The following ZFYVE26 variants were observed in gnomAD, a reference collection of about 807,000 sequenced individuals.
ZFYVE26 encodes zinc finger FYVE domain-containing protein 26.
Under a neutral mutation model 276.5 loss-of-function variants are expected in ZFYVE26, and 181 were observed. The observed-to-expected ratio is 0.65, with a 90% CI of 0.58 to 0.74. The LOEUF (loss-of-function observed/expected upper bound fraction) is 0.74. Ranked by LOEUF, ZFYVE26 falls within the 30% of genes least tolerant of loss-of-function variation. The pLI, the probability that ZFYVE26 is intolerant of heterozygous loss-of-function variation, is 0.00. For synonymous variants in ZFYVE26, 1,129 were observed against 1,203.1 expected (o/e 0.94, Z 1.27); for missense variants, 2,821 against 3,097.9 (o/e 0.91, Z 2.12).
At chr14:67,799,491 G>C (rs925781014) in intron 10 of ZFYVE26, 13 of 1,607,596 alleles carry the variant, frequency 8.1e-6, no homozygotes, top group African/African-American at 1.3e-5. Flanking sequence ...GCCATTCAGA[G>C]CAGACAAAAG....
chr14:67,807,443 C>T lies in ZFYVE26; in HGVS notation c.841G>A (p.Glu281Lys), dbSNP rs773688167. Residue 281 changes from glutamate (E) to lysine (K), a missense_variant, in exon 5 of 42, where the codon GAG (glutamate) becomes AAG (lysine). Coordinates refer to ENST00000347230, the MANE Select transcript of ZFYVE26 (RefSeq NM_015346.4). ...LLSLYGHTYA[E>K]KVTEKPPRAT... Reference sequence around the variant, plus strand: ...CTCGGTGGCTTTTCTGTGACCTTCTCTGCATAGGTATGGCCATACAGGGAC... The same window carrying T: ...CTCGGTGGCTTTTCTGTGACCTTCTTTGCATAGGTATGGCCATACAGGGAC... The T allele has an allele frequency of 3.7e-6, 6 of 1,614,088 alleles. No homozygotes were observed. The East Asian group carries it at 1.3e-4, about 36-fold the overall frequency.
intron 3 of ZFYVE26, among the ~76,000 whole-genome samples, chr14:67,811,559 T>C (rs563545701): frequency 3.3e-5 from 5 of 152,118 alleles, no homozygotes; most frequent in East Asian, 1.9e-4. Context: ...TTCTGTCAAA[T>C]AACTTTACGG....
intron 10 of ZFYVE26, among the ~76,000 whole-genome samples, chr14:67,801,095 A>G (rs1156315953): frequency 6.6e-6 from 1 of 152,010 alleles, no homozygotes; most frequent in African/African-American, 2.4e-5. Flanking sequence ...CTACTAAAAT[A>G]CAAAAATTAG....
At chr14:67,794,371 C>G in intron 12 of ZFYVE26, 132 bp from the exon 13 acceptor site, 1 of 901,414 alleles carries the variant, frequency 1.1e-6, no homozygotes, top group South Asian at 1.3e-5. Context: ...ACACCTGCTG[C>G]TCCTTCTACA....
downstream of ZFYVE26, among the ~76,000 whole-genome samples, chr14:67,745,204 GTCT>G (rs2038466997): frequency 6.6e-6 from 1 of 152,168 alleles, no homozygotes; most frequent in Non-Finnish European, 1.5e-5. Context: ...CTGCATAAAT[GTCT>G]TCTTTTGAGA....
chr14:67,748,419 G>A lies in ZFYVE26; in HGVS notation c.*17C>T, dbSNP rs1383414304. On this transcript the variant is annotated 3_prime_UTR_variant, in exon 42 of 42. Coordinates refer to ENST00000347230, the MANE Select transcript of ZFYVE26 (RefSeq NM_015346.4). The stretch of plus-strand genomic sequence containing the variant: ...CCCAGCTCTCAGGCCACGTGTTCCT[G>A]GCCCCACTGCCCAAGGTCACTTCCT... The A allele has an allele frequency of 3.7e-6, 6 of 1,610,886 alleles. No individual in the cohort carries two copies. The highest frequency in any genetic ancestry group is 1.1e-5 in the South Asian group (1 of 90,948).
At chr14:67,749,907 T>G (rs2038590149) in intron 41 of ZFYVE26, among the ~76,000 whole-genome samples, 1 of 152,188 alleles carries the variant, frequency 6.6e-6, no homozygotes, top group South Asian at 2.1e-4. Flanking sequence ...GGAATGGAGT[T>G]GAATGAAGTT....
In ZFYVE26 at chr14:67,816,570, C is replaced by G. The variant is rs886050660; in HGVS notation, c.-120G>C. 6.6e-6 allele frequency: 1 copy of G among 152,416 alleles called. No homozygotes were observed. Among genetic ancestry groups the G allele is most frequent in the Non-Finnish European group, 1.5e-5 (1 of 68,224 alleles). The allele number at this position is 152,416 out of a possible 1,614,324, so 9.4% of individuals were successfully genotyped here. The stretch of plus-strand genomic sequence containing the variant: ...GCCCAAAGCAATAGAGCTCTCAGCG[C>G]AGCCATGTTTGAGCCGAGTCAGGTG... On this transcript the variant is annotated 5_prime_UTR_variant, in exon 1 of 42. Transcript: ENST00000347230.
chr14:67,752,505 T>C lies in ZFYVE26; in HGVS notation c.7210A>G (p.Met2404Val), dbSNP rs368525225. 10 of 1,614,064 alleles carry C rather than the reference T, an allele frequency of 6.2e-6. No homozygotes were observed. Among genetic ancestry groups the C allele is most frequent in the African/African-American group, 5.3e-5 (4 of 74,924 alleles). ...VLQDFQLDAA[M>V]TYCRAARQLV... is the part of the protein sequence containing the mutation. The stretch of plus-strand genomic sequence containing the variant: ...TGGCGGGCAGCTCTGCAGTAGGTCA[T>C]GGCAGCATCCAGCTGGAAGTCCTAG... The change falls in exon 40 of 42, where the codon ATG becomes GTG. Residue 2404 changes from methionine (M) to valine (V), a missense_variant. Transcript: ENST00000347230.
intron 34 of ZFYVE26, 150 bp downstream of exon 34, chr14:67,762,053 A>C: frequency 1.3e-6 from 1 of 745,112 alleles, no homozygotes; most frequent in Non-Finnish European, 2.3e-6. Context: ...TTATCTAACT[A>C]TATGTGATGG....
At chr14:67,733,813 G>A in intron 13 of ZFYVE26, 1 of 1,613,422 alleles carries the variant, frequency 6.2e-7, no homozygotes, top group East Asian at 2.2e-5. Context: ...CCTATGGAAT[G>A]TCAGCTGTGA....
chr14:67,799,600 A>C (rs2040038635), intron 10 of ZFYVE26: 7 of 1,472,190 alleles, frequency 4.8e-6, no homozygotes, highest in Non-Finnish European at 6.6e-6. Context: ...TCAAGAAATA[A>C]AAGAAATAAT....
At position 67,786,111 on chromosome 14, in the gene ZFYVE26, C is replaced by T; in HGVS notation, c.3139+3G>A. 6.2e-7 allele frequency: 1 copy of T among 1,614,002 alleles called. No homozygotes were observed. Among genetic ancestry groups the T allele is most frequent in the East Asian group, 2.2e-5 (1 of 44,902 alleles). On this transcript the variant is annotated splice_donor_region_variant and intron_variant, in intron 17 of 41. Transcript: ENST00000347230. ...GAGAAGAAAAGAGAAAAAAGCAACT[C>T]ACCTGATTTGGTTTGACTGGCTGAC...
intron 36 of ZFYVE26, 39 bp downstream of exon 36, chr14:67,755,909 C>G: frequency 6.2e-7 from 1 of 1,612,942 alleles, no homozygotes; most frequent in Non-Finnish European, 8.5e-7. Context: ...GGTGGGGCAC[C>G]AGCAACAGAG....
intron 10 of ZFYVE26, chr14:67,799,706 A>G: frequency 1.1e-6 from 1 of 874,004 alleles, no homozygotes; most frequent in Non-Finnish European, 1.8e-6. Flanking sequence ...TCAACTCTTG[A>G]GAAAAGGTGT....
intron 30 of ZFYVE26, 143 bp from the exon 31 acceptor site, chr14:67,767,983 C>T (rs1390931748): frequency 7.4e-5 from 82 of 1,115,202 alleles, no homozygotes; most frequent in Non-Finnish European, 1.3e-6. Context: ...CTTTTGTTTG[C>T]TTTAGGACAC....
rs2039988487 is a variant in ZFYVE26 at position 67,797,832 on chromosome 14, G to A, written c.2249-77C>T. On this transcript the variant is annotated intron_variant, in intron 11 of 41. Coordinates refer to ENST00000347230, the MANE Select transcript of ZFYVE26 (RefSeq NM_015346.4). ...GGCCCTTTCTTGGCATAACAGGTTG[G>A]GGAAGGTTTGCACTGGGCTCTGAGA... 3.8e-6 allele frequency: 6 copies of A among 1,592,176 alleles called. No individual in the cohort carries two copies. In the Admixed American group the frequency reaches 1.0e-4, roughly 27 times the overall value.
rs377420285 is a variant in ZFYVE26, at chr14:67,797,758, G to C, written c.2249-3C>G. 2.5e-6 allele frequency: 4 copies of C among 1,613,874 alleles called. No homozygotes were observed. The highest frequency in any genetic ancestry group is 3.3e-4 in the Middle Eastern group (2 of 6,084). On this transcript the variant is annotated splice_region_variant and splice_polypyrimidine_tract_variant and intron_variant, in intron 11 of 41. Transcript: ENST00000347230. ...GTATCTTCGGGAAGGTTGCTCCTCT[G>C]AAAGAGCAAACCCAATGGGACAGAA...
rs773822698 is a variant in ZFYVE26, at chr14:67,806,678, G to C, written c.887-3C>G. 2.5e-6 allele frequency: 4 copies of C among 1,613,118 alleles called. No homozygotes were observed. Among genetic ancestry groups the C allele is most frequent in the Non-Finnish European group, 2.5e-6 (3 of 1,179,560 alleles). On this transcript the variant is annotated splice_polypyrimidine_tract_variant and splice_region_variant and intron_variant, in intron 5 of 41. Coordinates refer to ENST00000347230, the MANE Select transcript of ZFYVE26 (RefSeq NM_015346.4). Reference sequence around the variant, plus strand: ...AGGATCTAGATGATCCGGTGAGACTGAACATCAAACAAGACGGTTATCAGG... The same window carrying C: ...AGGATCTAGATGATCCGGTGAGACTCAACATCAAACAAGACGGTTATCAGG...
Sources: allele counts gnomAD v4.1 joint callset (sites outside exome capture counted in the v4.1 genomes callset), GRCh38; gene constraint gnomAD v4.1.1; transcripts MANE v1.5; gene names NCBI Gene and HGNC (gene_info 2026-07-23, HGNC 2026-07-21).